The following ABCB4 variants were observed in gnomAD, a reference collection of about 807,000 sequenced individuals.
The protein encoded by ABCB4 is ATP binding cassette subfamily B member 4, also known as phosphatidylcholine translocator ABCB4.
A neutral mutation model predicts 145.7 loss-of-function variants in ABCB4; 76 were observed. The ratio of observed to expected loss-of-function variants is 0.52; its 90% CI spans 0.43 to 0.63. The LOEUF (loss-of-function observed/expected upper bound fraction) is 0.63. ABCB4 is among the 30% of genes least tolerant of loss of function. The pLI, the probability that ABCB4 is intolerant of heterozygous loss-of-function variation, is 0.00. For missense variants in ABCB4, 1,234 were observed against 1,553.1 expected, an observed-to-expected ratio of 0.79 and a Z score of 3.45; for synonymous variants, 517 against 566.8, an observed-to-expected ratio of 0.91 and a Z score of 1.25.
the ABCB4 span, among the ~76,000 whole-genome samples, chr7:87,387,942 AC>A: frequency 6.6e-6 from 1 of 152,206 alleles, no homozygotes; most frequent in African/African-American, 2.4e-5. Context: ...ACAGAGCAAG[AC>A]TTTGGCACCA....
At chr7:87,431,926 A>C (rs1810267879) in intron 14 of ABCB4, among the ~76,000 whole-genome samples, 1 of 152,180 alleles carries the variant, frequency 6.6e-6, no homozygotes, top group South Asian at 2.1e-4. Context: ...ATCACCAGAA[A>C]TATTTTAGGG....
chr7:87,418,540 T>C lies in ABCB4; in HGVS notation c.2475A>G (p.Gln825=), dbSNP rs1809159134. 1.2e-6 allele frequency: 2 copies of C among 1,614,108 alleles called. No individual in the cohort carries two copies. The highest frequency in any genetic ancestry group is 1.7e-6 in the Non-Finnish European group (2 of 1,179,936). ...AAGTAGAGTGCAGTCTACCTACTCC[T>C]TGGACTTGGGCAGCATCTGTGGCAA... ...TRLATDAAQV[Q]GATGTRLALI... Residue 825 remains glutamine (Q), a synonymous_variant, in exon 20 of 28, where the codon CAA becomes CAG. Transcript: ENST00000649586.
intron 4 of ABCB4, among the ~76,000 whole-genome samples, chr7:87,458,999 A>G (rs923379712): frequency 3.3e-5 from 5 of 152,102 alleles, no homozygotes; most frequent in African/African-American, 1.2e-4. Context: ...AAAAAAAAAA[A>G]AAAAGCAAAC....
At chr7:87,414,841 C>T (rs1227903504) in intron 21 of ABCB4, among the ~76,000 whole-genome samples, 2 of 152,054 alleles carry the variant, frequency 1.3e-5, no homozygotes, top group Non-Finnish European at 2.9e-5. Flanking sequence ...CAAGTATTAC[C>T]TCATTCACCA....
chr7:87,392,600 T>C, the ABCB4 span: 1 of 1,613,568 alleles, frequency 6.2e-7, no homozygotes, highest in African/African-American at 1.3e-5. Flanking sequence ...TTACAAGCTT[T>C]TGCAAAGCAT....
At chr7:87,461,218 G>A (rs1158839508) in intron 4 of ABCB4, among the ~76,000 whole-genome samples, 1 of 151,984 alleles carries the variant, frequency 6.6e-6, no homozygotes, top group African/African-American at 2.4e-5. Flanking sequence ...CAAAGTGCTG[G>A]GATTACAGGT....
chr7:87,384,730 C>T, the ABCB4 span, among the ~76,000 whole-genome samples: 3 of 152,200 alleles, frequency 2.0e-5, no homozygotes, highest in Admixed American at 6.5e-5. Flanking sequence ...TGATCCCATT[C>T]GTCCATTTCT....
At chr7:87,433,736 A>G (rs1248491941) in intron 14 of ABCB4, among the ~76,000 whole-genome samples, 5 of 150,466 alleles carry the variant, frequency 3.3e-5, no homozygotes, top group Non-Finnish European at 5.9e-5. Context: ...ACATTGATAA[A>G]TAAATATCCT....
chr7:87,443,096 A>G (rs1444213784), intron 12 of ABCB4, among the ~76,000 whole-genome samples: 3 of 152,228 alleles, frequency 2.0e-5, no homozygotes, highest in Non-Finnish European at 2.9e-5. Context: ...CTTAGTCAGA[A>G]CAGAGGAGAG....
intron 3 of ABCB4, among the ~76,000 whole-genome samples, chr7:87,468,492 C>A (rs1030148142): frequency 6.6e-6 from 1 of 152,136 alleles, no homozygotes; most frequent in African/African-American, 2.4e-5. Flanking sequence ...TGAAACTATT[C>A]CAATCAATAG....
At chr7:87,386,316 GA>G in the ABCB4 span, among the ~76,000 whole-genome samples, 1 of 152,104 alleles carries the variant, frequency 6.6e-6, no homozygotes, top group Non-Finnish European at 1.5e-5. Context: ...CTTAATGGGA[GA>G]CTTTTTATTG....
At chr7:87,380,154 T>C in the ABCB4 span, among the ~76,000 whole-genome samples, 1 of 152,134 alleles carries the variant, frequency 6.6e-6, no homozygotes, top group Non-Finnish European at 1.5e-5. Flanking sequence ...TACTGTAAAA[T>C]AAAGCTTATT....
chr7:87,456,638 C>A (rs1812116427), intron 4 of ABCB4, among the ~76,000 whole-genome samples: 1 of 152,172 alleles, frequency 6.6e-6, no homozygotes. Context: ...ATATTTTCTT[C>A]ATAAATTACC....
At chr7:87,415,803 T>C (rs1347014291) in intron 21 of ABCB4, among the ~76,000 whole-genome samples, 7 of 152,226 alleles carry the variant, frequency 4.6e-5, no homozygotes, top group Admixed American at 4.6e-4. Context: ...TAACAATTAA[T>C]GGAGCTAAGA....
intron 18 of ABCB4, 109 bp from the exon 19 acceptor site, chr7:87,420,184 G>A (rs945046878): frequency 2.0e-6 from 2 of 1,003,204 alleles, no homozygotes; most frequent in Non-Finnish European, 3.1e-6. Flanking sequence ...TTTTACAGTT[G>A]CCACGGATCC....
intron 23 of ABCB4, among the ~76,000 whole-genome samples, chr7:87,411,601 C>T (rs1808628811): frequency 6.6e-6 from 1 of 152,110 alleles, no homozygotes; most frequent in Non-Finnish European, 1.5e-5. Flanking sequence ...ATTTTTTCTG[C>T]CTATATTCTA....
intron 15 of ABCB4, among the ~76,000 whole-genome samples, chr7:87,430,820 C>T (rs1351852928): frequency 6.6e-6 from 1 of 152,190 alleles, no homozygotes; most frequent in Non-Finnish European, 1.5e-5. Flanking sequence ...AGCCACTGCA[C>T]CTGGCCTGCT....
intron 7 of ABCB4, among the ~76,000 whole-genome samples, chr7:87,451,182 C>T (rs1374286957): frequency 2.0e-5 from 3 of 150,926 alleles, no homozygotes; most frequent in Non-Finnish European, 2.9e-5. Flanking sequence ...GTCACCCAAG[C>T]TGGAGTGAAG....
intron 16 of ABCB4, among the ~76,000 whole-genome samples, chr7:87,425,975 T>C (rs1014684533): frequency 1.3e-5 from 2 of 152,182 alleles, no homozygotes; most frequent in African/African-American, 4.8e-5. Flanking sequence ...CATTCTCCTC[T>C]TTTTCTAAGT....
Sources: gnomAD v4.1 joint callset for allele counts (sites outside exome capture counted in the v4.1 genomes callset) on GRCh38, gnomAD v4.1.1 for gene constraint, MANE v1.5 for transcripts, NCBI Gene and HGNC (gene_info 2026-07-23, HGNC 2026-07-21) for gene names.